Variants in GRM1 observed in about 807,000 individuals in gnomAD.
The protein encoded by GRM1 is glutamate metabotropic receptor 1.
In GRM1, 33 loss-of-function variants were observed where a neutral mutation model predicts 90.9. The ratio of observed to expected loss-of-function variants is 0.36; its 90% CI spans 0.28 to 0.49. The LOEUF is 0.49. Ranked by LOEUF, GRM1 falls within the 20% of genes least tolerant of loss-of-function variation. GRM1 has a pLI of 0.99. For synonymous variants in GRM1, 700 were observed against 613.2 expected (o/e 1.14, Z -2.09); for missense variants, 1,190 against 1,534.3 (o/e 0.78, Z 3.75).
intron 1 of GRM1, among the ~76,000 whole-genome samples, chr6:146,048,453 C>T (rs1006688375): frequency 7.2e-5 from 11 of 151,926 alleles, no homozygotes; most frequent in African/African-American, 2.7e-4. Context: ...CCATTAAAAC[C>T]ATTAAAACAT....
At chr6:146,371,151 C>T (rs1775885426) in intron 5 of GRM1, among the ~76,000 whole-genome samples, 2 of 151,946 alleles carry the variant, frequency 1.3e-5, no homozygotes, top group Admixed American at 1.3e-4. Flanking sequence ...ATAAACATGG[C>T]CTCTTCTTTT....
At chr6:146,398,258 T>G (rs1260498277) in intron 6 of GRM1, among the ~76,000 whole-genome samples, 1 of 152,212 alleles carries the variant, frequency 6.6e-6, no homozygotes, top group Non-Finnish European at 1.5e-5. Context: ...TGCAGATTCT[T>G]CTAAAGAAGT....
At chr6:146,219,389 T>C (rs78315546) in intron 2 of GRM1, among the ~76,000 whole-genome samples, 1 of 152,180 alleles carries the variant, frequency 6.6e-6, no homozygotes, top group East Asian at 1.9e-4. Flanking sequence ...CTAGGTTTCA[T>C]GTAAGGAAGA....
intron 2 of GRM1, among the ~76,000 whole-genome samples, chr6:146,276,852 G>A (rs1170293554): frequency 6.6e-6 from 1 of 152,102 alleles, no homozygotes; most frequent in Non-Finnish European, 1.5e-5. Flanking sequence ...TGTAATCCCA[G>A]CACTTTGGGA....
chr6:146,361,817 A>G (rs891147686), intron 5 of GRM1, among the ~76,000 whole-genome samples: 1 of 152,228 alleles, frequency 6.6e-6, no homozygotes, highest in African/African-American at 2.4e-5. Context: ...ACTATCTTTC[A>G]TTATATGAAC....
chr6:146,089,713 C>T (rs1776654481), intron 1 of GRM1, among the ~76,000 whole-genome samples: 1 of 152,050 alleles, frequency 6.6e-6, no homozygotes, highest in African/African-American at 2.4e-5. Flanking sequence ...TCTAAAGAAG[C>T]TCTAATGATT....
At chr6:146,270,892 TCTTTCTTTCTTTCTTTCTTTCTTCCTTC>T (rs1191890537) in intron 2 of GRM1, among the ~76,000 whole-genome samples, 3 of 111,062 alleles carry the variant, frequency 2.7e-5, no homozygotes, top group Non-Finnish European at 5.3e-5. Context: ...TTTCTTTCTT[TCTTTCTTTCTTTCTTTCTTTCTTCCTTC>T]CTTCCTTCCT....
At chr6:146,122,644 T>C (rs1776032753) in intron 1 of GRM1, among the ~76,000 whole-genome samples, 1 of 152,034 alleles carries the variant, frequency 6.6e-6, no homozygotes, top group Non-Finnish European at 1.5e-5. Flanking sequence ...ACAAATTAGC[T>C]TTAAGCCTAT....
At chr6:146,282,344 A>G (rs947521694) in intron 2 of GRM1, among the ~76,000 whole-genome samples, 1 of 152,134 alleles carries the variant, frequency 6.6e-6, no homozygotes, top group African/African-American at 2.4e-5. Flanking sequence ...ATTATCCACA[A>G]CTAACTTATT....
At chr6:146,188,636 C>A (rs889059368) in intron 2 of GRM1, among the ~76,000 whole-genome samples, 1 of 152,124 alleles carries the variant, frequency 6.6e-6, no homozygotes, top group Non-Finnish European at 1.5e-5. Flanking sequence ...ATTTCATAAG[C>A]CAAAGAATAC....
intron 5 of GRM1, among the ~76,000 whole-genome samples, chr6:146,360,000 C>T (rs942589740): frequency 6.6e-6 from 1 of 152,042 alleles, no homozygotes; most frequent in Non-Finnish European, 1.5e-5. Flanking sequence ...AAATTTGAGT[C>T]GTATTTACCA....
rs56956724 is a variant in GRM1, at chr6:146,260,804, G to GTTTTT, written c.951-43778_951-43774dup. Among the ~76,000 whole-genome samples, 44 of 22,730 alleles carry GTTTTT rather than the reference G, an allele frequency of 1.9e-3. 3 individuals are homozygous for GTTTTT. The highest frequency in any genetic ancestry group is 6.8e-3 in the African/African-American group (40 of 5,904). The allele number at this position is 22,730 out of a possible 152,430, so 14.9% of individuals were successfully genotyped here. ...CCCATTTTTTAATTAGGTTATTTGG[G>GTTTTT]TTTTTTTTTTTTTTTTTTTTTTTTT... On this transcript the variant is annotated intron_variant, in intron 2 of 7. Transcript: ENST00000282753.
At chr6:146,167,632 A>G (rs933420178) in intron 2 of GRM1, among the ~76,000 whole-genome samples, 1 of 152,094 alleles carries the variant, frequency 6.6e-6, no homozygotes, top group Non-Finnish European at 1.5e-5. Flanking sequence ...GCATTTTCCT[A>G]ATGACTAATA....
At chr6:146,288,799 C>T (rs767559355) in intron 2 of GRM1, among the ~76,000 whole-genome samples, 3 of 152,096 alleles carry the variant, frequency 2.0e-5, no homozygotes, top group African/African-American at 4.8e-5. Flanking sequence ...AGCCATCGCG[C>T]GGGGCCAGAA....
At chr6:146,388,947 T>C (rs1776609304) in intron 6 of GRM1, among the ~76,000 whole-genome samples, 1 of 152,120 alleles carries the variant, frequency 6.6e-6, no homozygotes, top group South Asian at 2.1e-4. Context: ...TGTTTGTCAC[T>C]GGATCTAATG....
At position 146,434,493 on chromosome 6, in the gene GRM1, G is replaced by GGACGAC. The variant is rs750936487; in HGVS notation, c.3292_3297dup (p.Asp1098_Asp1099dup). 5.6e-6 allele frequency: 9 copies of GGACGAC among 1,614,002 alleles called. No homozygotes were observed. The highest frequency in any genetic ancestry group is 7.6e-6 in the Non-Finnish European group (9 of 1,179,980). ...GGGAGGAGCTGGTCTCCCCGCCCGCGGACGACGACGACGACAGCGAGAGGT... is the reference window on the plus strand; with the variant it reads ...GGGAGGAGCTGGTCTCCCCGCCCGCGGACGACGACGACGACGACGACAGCGAGAGGT... On this transcript the variant is annotated inframe_insertion, in exon 8 of 8. Transcript: ENST00000282753.
intron 1 of GRM1, among the ~76,000 whole-genome samples, chr6:146,072,552 A>G (rs1776049252): frequency 6.6e-6 from 1 of 152,170 alleles, no homozygotes; most frequent in African/African-American, 2.4e-5. Flanking sequence ...TAGAGTACTA[A>G]TTCTTTTTTT....
At chr6:146,195,105 T>C (rs897305190) in intron 2 of GRM1, among the ~76,000 whole-genome samples, 5 of 152,184 alleles carry the variant, frequency 3.3e-5, no homozygotes, top group Admixed American at 1.3e-4. Flanking sequence ...TTGTACATAT[T>C]AATAGTACAT....
At chr6:146,197,553 G>A (rs1225715366) in intron 2 of GRM1, among the ~76,000 whole-genome samples, 2 of 152,188 alleles carry the variant, frequency 1.3e-5, no homozygotes, top group African/African-American at 4.8e-5. Context: ...TGCTTATCCT[G>A]TTCAACCCAA....
Sources: allele counts gnomAD v4.1 joint callset (sites outside exome capture counted in the v4.1 genomes callset), GRCh38; gene constraint gnomAD v4.1.1; transcripts MANE v1.5; gene names NCBI Gene and HGNC (gene_info 2026-07-23, HGNC 2026-07-21).